CNKSR2: variants seen among roughly 807,000 people sequenced by gnomAD.
CNKSR2 encodes CNK homolog protein 2.
Under a neutral mutation model 84.4 loss-of-function variants are expected in CNKSR2, and 14 were observed. The observed-to-expected ratio is 0.17, with a 90% confidence interval of 0.11 to 0.26. The LOEUF (loss-of-function observed/expected upper bound fraction) is 0.26. CNKSR2 is among the 10% of genes least tolerant of loss of function. CNKSR2 has a pLI of 1.00. For missense variants in CNKSR2, 485 were observed against 771.2 expected (o/e 0.63, Z 4.40); for synonymous variants, 275 against 277.9 (o/e 0.99, Z 0.10).
chrX:21,507,546 A>G (rs1323794967), intron 8 of CNKSR2, among the ~76,000 whole-genome samples: 2 of 111,287 alleles, frequency 1.8e-5, no homozygotes, highest in Non-Finnish European at 3.8e-5. Flanking sequence ...ATTTAGGATG[A>G]TACTTTTAGC....
At chrX:21,632,569 G>A (rs925941039) in intron 20 of CNKSR2, among the ~76,000 whole-genome samples, 3 of 111,762 alleles carry the variant, frequency 2.7e-5, no homozygotes, top group Non-Finnish European at 5.6e-5. Flanking sequence ...TTCATGGTGT[G>A]TACTCTGCAT....
In CNKSR2 at chrX:21,402,369, A is replaced by G. The variant is rs541659245; in HGVS notation, c.65-24128A>G. Among the ~76,000 whole-genome samples the G allele has an allele frequency of 1.0e-3, 114 of 111,508 alleles. 1 individual carries two copies. Among genetic ancestry groups the G allele is most frequent in the African/African-American group, 3.4e-3 (104 of 30,888 alleles). ...TAAATTTTCATATTTAGGTAATGCA[A>G]ATGTTTATGCTGAAGACTATATTTG... On this transcript the variant is annotated intron_variant, in intron 1 of 21. Transcript: ENST00000379510.
At chrX:21,430,187 G>A (rs1183545636) in intron 2 of CNKSR2, among the ~76,000 whole-genome samples, 5 of 110,954 alleles carry the variant, frequency 4.5e-5, no homozygotes, top group East Asian at 2.8e-4. Flanking sequence ...TCTATTCTGC[G>A]TAATATATTT....
chrX:21,511,102 A>G (rs1403193667), intron 8 of CNKSR2, among the ~76,000 whole-genome samples: 1 of 111,745 alleles, frequency 8.9e-6, no homozygotes, highest in African/African-American at 3.2e-5. Context: ...TATGATGCAT[A>G]TGATAAAGTA....
At chrX:21,526,287 T>C (rs1274284532) in intron 9 of CNKSR2, among the ~76,000 whole-genome samples, 1 of 111,555 alleles carries the variant, frequency 9.0e-6, no homozygotes, top group African/African-American at 3.2e-5. Context: ...ACAGCTATGC[T>C]TATTTTGACA....
intron 13 of CNKSR2, among the ~76,000 whole-genome samples, chrX:21,579,764 A>G (rs775649560): frequency 2.7e-5 from 3 of 111,661 alleles, no homozygotes; most frequent in Middle Eastern, 4.6e-3. Flanking sequence ...GCACTATGAT[A>G]GTGCACAAAT....
At chrX:21,526,495 T>C (rs752098413) in intron 9 of CNKSR2, among the ~76,000 whole-genome samples, 1 of 111,313 alleles carries the variant, frequency 9.0e-6, no homozygotes, top group Non-Finnish European at 1.9e-5. Context: ...TCATCATTAT[T>C]GTTCTTTTAA....
chrX:21,408,296 G>T (rs755712205), intron 1 of CNKSR2, among the ~76,000 whole-genome samples: 2 of 111,726 alleles, frequency 1.8e-5, no homozygotes, highest in South Asian at 3.7e-4. Context: ...TGAGTTGTTG[G>T]TTTCTTTCAC....
At chrX:21,460,770 T>A (rs2091051192) in intron 4 of CNKSR2, among the ~76,000 whole-genome samples, 1 of 111,822 alleles carries the variant, frequency 8.9e-6, no homozygotes, top group Admixed American at 9.5e-5. Context: ...GATTTTTAGA[T>A]CCTGCAAATG....
Position 21,535,072 on chromosome X carries a change from G to A in CNKSR2, c.1303+3005G>A, listed in dbSNP as rs373150262. Among the ~76,000 whole-genome samples, 9 of 110,992 alleles carry A rather than the reference G, an allele frequency of 8.1e-5. No individual in the cohort carries two copies. In the East Asian group the frequency reaches 2.3e-3, roughly 28 times the overall value. On this transcript the variant is annotated intron_variant, in intron 11 of 21. Coordinates refer to ENST00000379510, the MANE Select transcript of CNKSR2 (RefSeq NM_014927.5). ...GATTGTGTACATGGTGAGAGATAGG[G>A]TTCTAGTTTCATTTTTCTGAATATG...
intron 13 of CNKSR2, among the ~76,000 whole-genome samples, chrX:21,585,882 G>C (rs1207452444): frequency 8.9e-6 from 1 of 111,830 alleles, no homozygotes; most frequent in Non-Finnish European, 1.9e-5. Flanking sequence ...GGAATTTTTA[G>C]AGAATTGGAC....
chrX:21,384,263 T>C (rs1251439015), intron 1 of CNKSR2, among the ~76,000 whole-genome samples: 4 of 111,279 alleles, frequency 3.6e-5, no homozygotes, highest in African/African-American at 9.8e-5. Flanking sequence ...AGGTGCTCTT[T>C]CCCCATTTCC....
chrX:21,483,066 T>C (rs1027329531), intron 5 of CNKSR2, among the ~76,000 whole-genome samples: 2 of 111,972 alleles, frequency 1.8e-5, no homozygotes, highest in African/African-American at 6.5e-5. Context: ...AAAGTTTTTC[T>C]CCTTCAATTC....
intron 13 of CNKSR2, among the ~76,000 whole-genome samples, chrX:21,575,550 T>G (rs2092313867): frequency 1.8e-5 from 2 of 111,565 alleles, no homozygotes; most frequent in African/African-American, 6.5e-5. Context: ...AAAAATTACC[T>G]GGAGAAAATA....
intron 1 of CNKSR2, among the ~76,000 whole-genome samples, chrX:21,391,932 A>AATTTCTTCTGCCAGATACCCTAAATC (rs2090056824): frequency 8.9e-6 from 1 of 111,862 alleles, no homozygotes; most frequent in South Asian, 3.7e-4. Context: ...GCTGCTTAGA[A>AATTTCTTCTGCCAGATACCCTAAATC]ATTTCTTCTG....
rs777174879 is a variant in CNKSR2 at position 21,517,444 on chromosome X, G to A, written c.957+813G>A. 4.5e-5 allele frequency among the ~76,000 whole-genome samples: 5 copies of A among 110,543 alleles called. No homozygotes were observed. The East Asian group carries it at 1.4e-3, about 32-fold the overall frequency. On this transcript the variant is annotated intron_variant, in intron 9 of 21. Coordinates refer to ENST00000379510, the MANE Select transcript of CNKSR2 (RefSeq NM_014927.5). ...TCATTTTTCTCTTTCCACCCTGTAA[G>A]GTGGCAAAAATAGGGAAATTGTTGC...
intron 11 of CNKSR2, among the ~76,000 whole-genome samples, chrX:21,553,054 A>G (rs751823832): frequency 8.9e-6 from 1 of 111,981 alleles, no homozygotes; most frequent in South Asian, 3.7e-4. Context: ...TTGGACCACA[A>G]ACAAAAAGTT....
At chrX:21,435,904 G>C (rs1321779537) in intron 3 of CNKSR2, among the ~76,000 whole-genome samples, 1 of 111,173 alleles carries the variant, frequency 9.0e-6, no homozygotes, top group Non-Finnish European at 1.9e-5. Context: ...GTTTTGATGG[G>C]ATCAGTGAGA....
At chrX:21,569,259 A>G (rs899008693) in intron 13 of CNKSR2, among the ~76,000 whole-genome samples, 1 of 111,346 alleles carries the variant, frequency 9.0e-6, no homozygotes, top group Non-Finnish European at 1.9e-5. Context: ...TTTTACCTCA[A>G]TGTTGATGTC....
Sources: gnomAD v4.1 joint callset for allele counts (sites outside exome capture counted in the v4.1 genomes callset) on GRCh38, gnomAD v4.1.1 for gene constraint, MANE v1.5 for transcripts, NCBI Gene and HGNC (gene_info 2026-07-23, HGNC 2026-07-21) for gene names.